Variants in CR1L observed in about 807,000 individuals in gnomAD.
CR1L encodes complement component receptor 1-like protein.
In CR1L, 59 loss-of-function variants were observed where a neutral mutation model predicts 62.3. The ratio of observed to expected loss-of-function variants is 0.95; its 90% CI spans 0.77 to 1.18. CR1L has a LOEUF of 1.18. Among genes scored for constraint, CR1L ranks in the 50% most tolerant of loss-of-function variants. The pLI is 0.00. For synonymous variants in CR1L, 279 were observed against 248.7 expected (o/e 1.12, Z -1.15); for missense variants, 700 against 702.8 (o/e 1.00, Z 0.04).
chr1:207,682,059 C>T (rs1272677695), intron 3 of CR1L, among the ~76,000 whole-genome samples: 3 of 151,978 alleles, frequency 2.0e-5, no homozygotes, highest in African/African-American at 4.8e-5. Flanking sequence ...GACCGGTTGA[C>T]GGGTGCAGCA....
At chr1:207,717,342 C>T (rs751109994) in intron 10 of CR1L, 122 bp from the exon 11 acceptor site, 4 of 1,125,418 alleles carry the variant, frequency 3.6e-6, no homozygotes, top group African/African-American at 3.2e-5. Context: ...TTCCATCCAC[C>T]TTAGTTATAG....
chr1:207,685,777 C>T (rs1663892090), intron 4 of CR1L, among the ~76,000 whole-genome samples: 1 of 152,074 alleles, frequency 6.6e-6, no homozygotes, highest in Non-Finnish European at 1.5e-5. Context: ...TCTTCTGAAC[C>T]CTCCACTCCT....
At chr1:207,701,856 G>GA (rs1231786691) in intron 9 of CR1L, 21 of 665,066 alleles carry the variant, frequency 3.2e-5, no homozygotes, top group Non-Finnish European at 3.6e-5. Flanking sequence ...GGATGGGAAG[G>GA]AAAAAAAATT....
intron 11 of CR1L, among the ~76,000 whole-genome samples, chr1:207,720,163 C>A (rs924633830): frequency 2.0e-5 from 3 of 152,164 alleles, no homozygotes; most frequent in African/African-American, 4.8e-5. Context: ...TGGGCTGAAC[C>A]ACATAGGAAC....
intron 1 of CR1L, among the ~76,000 whole-genome samples, chr1:207,656,480 C>T (rs923034317): frequency 2.6e-5 from 4 of 152,054 alleles, no homozygotes; most frequent in Non-Finnish European, 4.4e-5. Context: ...CGTATTAGGC[C>T]GTTTTCGTAT....
intron 1 of CR1L, among the ~76,000 whole-genome samples, chr1:207,654,527 T>C (rs1307873787): frequency 6.6e-6 from 1 of 152,194 alleles, no homozygotes; most frequent in Non-Finnish European, 1.5e-5. Flanking sequence ...GAGAGATTCC[T>C]GTGAATTTAA....
At chr1:207,678,438 C>CTGTGT in intron 3 of CR1L, 141 bp downstream of exon 3, 1 of 716,682 alleles carries the variant, frequency 1.4e-6, no homozygotes, top group Non-Finnish European at 2.3e-6. Flanking sequence ...TGCTTAGCTC[C>CTGTGT]TGACTGAAAT....
chr1:207,698,075 G>T (rs978114592), intron 7 of CR1L, among the ~76,000 whole-genome samples: 6 of 152,056 alleles, frequency 3.9e-5, no homozygotes, highest in Non-Finnish European at 7.4e-5. Flanking sequence ...GAGATATGAA[G>T]AGGACACTGG....
chr1:207,661,350 T>A (rs1393409247), intron 1 of CR1L, among the ~76,000 whole-genome samples: 1 of 152,242 alleles, frequency 6.6e-6, no homozygotes, highest in African/African-American at 2.4e-5. Flanking sequence ...CATATATATT[T>A]AGGATAGTTA....
At chr1:207,668,097 G>A (rs774081566) in intron 1 of CR1L, among the ~76,000 whole-genome samples, 1 of 151,006 alleles carries the variant, frequency 6.6e-6, no homozygotes, top group African/African-American at 2.5e-5. Context: ...GCCATTATGG[G>A]AAATAGTATG....
At chr1:207,696,469 T>TG (rs1664102312) in intron 5 of CR1L, among the ~76,000 whole-genome samples, 2 of 152,296 alleles carry the variant, frequency 1.3e-5, no homozygotes, top group South Asian at 4.1e-4. Flanking sequence ...CAAAAGACAG[T>TG]GCAGAAGTGT....
Position 207,694,406 on chromosome 1 carries a change from A to G in CR1L, c.517A>G (p.Ser173Gly), listed in dbSNP as rs770789168. The change falls in exon 5 of 12, where the codon AGC becomes GGC. Residue 173 changes from serine (S) to glycine (G), a missense_variant. Ser to Gly is a moderately conservative substitution (Grantham distance 56). Coordinates refer to ENST00000508064, the MANE Select transcript of CR1L (RefSeq NM_175710.2). ...TIANGDFTSI[S>G]REYFHYGSVV... ...CGCCAATGGAGATTTCACTAGCATC[A>G]GCAGAGAGTATTTTCACTATGGATC... The G allele has an allele frequency of 6.2e-6, 10 of 1,613,996 alleles. No homozygotes were observed. Among genetic ancestry groups the G allele is most frequent in the South Asian group, 4.4e-5 (4 of 91,076 alleles).
chr1:207,716,723 G>A (rs1345370302), intron 10 of CR1L, among the ~76,000 whole-genome samples: 1 of 152,166 alleles, frequency 6.6e-6, no homozygotes, highest in Admixed American at 6.5e-5. Flanking sequence ...ATTCAAGCAT[G>A]AGAAGTTAAT....
At chr1:207,678,122 C>T in intron 2 of CR1L, 76 bp from the exon 3 acceptor site, 1 of 1,261,592 alleles carries the variant, frequency 7.9e-7, no homozygotes, top group Admixed American at 1.8e-5. Flanking sequence ...AAGCTATAGG[C>T]AGGTTGAGAC....
intron 9 of CR1L, among the ~76,000 whole-genome samples, chr1:207,705,432 C>G (rs1332556255): frequency 3.3e-5 from 5 of 152,202 alleles, no homozygotes; most frequent in Admixed American, 6.5e-5. Flanking sequence ...GGTGCTCACC[C>G]TTGCTCAGCA....
In CR1L at chr1:207,677,533, A is replaced by G. The variant is rs748175888; in HGVS notation, c.242A>G (p.Asn81Ser). The G allele has an allele frequency of 4.3e-6, 7 of 1,613,826 alleles. No homozygotes were observed. Among genetic ancestry groups the G allele is most frequent in the Non-Finnish European group, 5.1e-6 (6 of 1,179,864 alleles). ...GRPFSIICLK[N>S]SVWTSAKDKC... ...CCGTTTTCTATCATCTGCCTAAAAA[A>G]CTCAGTCTGGACAAGTGCTAAGGAC... Residue 81 changes from asparagine to serine, a missense_variant, in exon 2 of 12, where the codon AAC becomes AGC. By Grantham distance (46) the Asn-to-Ser change is conservative. Transcript: ENST00000508064.
rs770898536 is a variant in CR1L at position 207,717,558 on chromosome 1, A to G, written c.1509A>G (p.Thr503=). The G allele has an allele frequency of 1.2e-6, 2 of 1,613,870 alleles. No homozygotes were observed. The highest frequency in any genetic ancestry group is 1.7e-6 in the Non-Finnish European group (2 of 1,179,816). The part of the protein sequence containing the change: ...DIPYGKEVSY[T]CDPHPDRGMT... ...CCTATGGAAAAGAAGTATCTTACAC[A>G]TGTGACCCCCACCCAGACAGAGGGA... is the stretch of plus-strand genomic sequence containing the variant. Residue 503 remains threonine (T), a synonymous_variant, in exon 11 of 12, where the codon ACA becomes ACG. Transcript: ENST00000508064.
chr1:207,678,404 G>T (rs1279543273), intron 3 of CR1L, 107 bp downstream of exon 3: 6 of 975,222 alleles, frequency 6.2e-6, no homozygotes, highest in Non-Finnish European at 9.3e-6. Flanking sequence ...ATTACCATCT[G>T]CTCTTTAAAG....
At chr1:207,670,036 T>C (rs569522873) in intron 1 of CR1L, among the ~76,000 whole-genome samples, 6 of 151,134 alleles carry the variant, frequency 4.0e-5, no homozygotes, top group East Asian at 1.9e-4. Flanking sequence ...ATCTCTGCAT[T>C]GTGGAGTTGC....
Sources: allele counts gnomAD v4.1 joint callset (sites outside exome capture counted in the v4.1 genomes callset), GRCh38; gene constraint gnomAD v4.1.1; transcripts MANE v1.5; gene names NCBI Gene and HGNC (gene_info 2026-07-23, HGNC 2026-07-21).